Variants in SH3TC1 observed in about 807,000 individuals in gnomAD.
SH3TC1 encodes the protein SH3 domain and tetratricopeptide repeats 1.
A neutral mutation model predicts 117.3 loss-of-function variants in SH3TC1; 135 were observed. The ratio of observed to expected loss-of-function variants is 1.15; its 90% CI spans 1.00 to 1.33. The LOEUF (loss-of-function observed/expected upper bound fraction) is 1.33. Among genes scored for constraint, SH3TC1 ranks in the 40% most tolerant of loss-of-function variants. The pLI, the probability that SH3TC1 is intolerant of heterozygous loss-of-function variation, is 0.00. For synonymous variants in SH3TC1, 898 were observed against 816.9 expected (o/e 1.10, Z -1.69); for missense variants, 2,092 against 1,794.3 (o/e 1.17, Z -3.00).
chr4:8,197,760 C>T (rs926019018), upstream of SH3TC1, among the ~76,000 whole-genome samples: 24 of 152,218 alleles, frequency 1.6e-4, no homozygotes, highest in Non-Finnish European at 2.4e-4. Flanking sequence ...GCTGCACCCC[C>T]GATCCCGGGC....
chr4:8,234,670 A>ATG (rs1721646888), intron 14 of SH3TC1, among the ~76,000 whole-genome samples: 1 of 152,142 alleles, frequency 6.6e-6, no homozygotes, highest in East Asian at 1.9e-4. Flanking sequence ...ACTGCTGAGC[A>ATG]CCTGTTGTAT....
chr4:8,182,334 G>T (rs1717102293), intron 1 of SH3TC1: 1 of 152,258 alleles, frequency 6.6e-6, no homozygotes, highest in Admixed American at 6.5e-5. Flanking sequence ...GTTTTCATGG[G>T]GAGGGTGCAC....
At chr4:8,196,757 C>T (rs2152975472), upstream of SH3TC1, among the ~76,000 whole-genome samples, 1 of 152,074 alleles carries the variant, frequency 6.6e-6, no homozygotes. The surrounding 1 kb of genome is among the most constrained non-coding windows in gnomAD (Gnocchi z 4.6). Context: ...CAGGTGTCTG[C>T]AAGGAAGGGT....
At chr4:8,237,851 C>G (rs1411218303) in intron 17 of SH3TC1, among the ~76,000 whole-genome samples, 181 bp downstream of exon 17, 1 of 152,092 alleles carries the variant, frequency 6.6e-6, no homozygotes, top group Non-Finnish European at 1.5e-5. Flanking sequence ...CCCGAGCGGC[C>G]AGGCCTCACC....
At chr4:8,229,410 G>A (rs1329194813) in intron 12 of SH3TC1, among the ~76,000 whole-genome samples, 5 of 142,024 alleles carry the variant, frequency 3.5e-5, no homozygotes, top group African/African-American at 1.3e-4. Context: ...TGAGCGAGTA[G>A]GGGTGAGTGA....
rs576184139 is a variant in SH3TC1, at chr4:8,190,896, C to T, written c.-57+8686C>T. Among the ~76,000 whole-genome samples, 5 of 152,008 alleles carry T rather than the reference C, an allele frequency of 3.3e-5. 1 individual carries two copies. In the South Asian group the frequency reaches 1.0e-3, roughly 32 times the overall value. Reference sequence around the variant, plus strand: ...GACTCAAGCGATCCTCCTGCCTCGGCCTCCTAAAGTGCTAGGATTACAGGC... The same window carrying T: ...GACTCAAGCGATCCTCCTGCCTCGGTCTCCTAAAGTGCTAGGATTACAGGC... On this transcript the variant is annotated intron_variant, in intron 1 of 16. Coordinates refer to the SH3TC1 transcript ENST00000508641. This position sits in a 1 kb window ranked among gnomAD's most constrained non-coding sequence, Gnocchi z 4.7.
At chr4:8,191,936 G>T (rs11931424) in intron 1 of SH3TC1, among the ~76,000 whole-genome samples, 5 of 152,060 alleles carry the variant, frequency 3.3e-5, no homozygotes, top group African/African-American at 9.7e-5. Flanking sequence ...TTTTCCAGGG[G>T]CAGGAGCTGA....
intron 4 of SH3TC1, 94 bp downstream of exon 4, chr4:8,212,922 G>C: frequency 1.4e-6 from 2 of 1,442,350 alleles, no homozygotes; most frequent in Non-Finnish European, 1.8e-6. Context: ...GGACACAGGA[G>C]GCAGGCCTCA....
intron 13 of SH3TC1, chr4:8,232,857 A>G (rs1017992637): frequency 2.4e-6 from 3 of 1,252,542 alleles, no homozygotes; most frequent in Admixed American, 5.3e-5. Context: ...CCATGTTCTC[A>G]AAGTGTGGTC....
chr4:8,185,510 C>G (rs1000444777), intron 1 of SH3TC1, among the ~76,000 whole-genome samples: 4 of 152,094 alleles, frequency 2.6e-5, no homozygotes, highest in Non-Finnish European at 2.9e-5. Flanking sequence ...TGCATTCATC[C>G]TCCTGCGGTT....
intron 4 of SH3TC1, among the ~76,000 whole-genome samples, 176 bp from the exon 5 acceptor site, chr4:8,214,299 G>A (rs972319468): frequency 2.6e-5 from 4 of 152,198 alleles, no homozygotes; most frequent in East Asian, 1.9e-4. Flanking sequence ...GGGGAGCCAC[G>A]GCTGGCTTGA....
At position 8,228,221 on chromosome 4, in the gene SH3TC1, G is replaced by A. The variant is rs756884193; in HGVS notation, c.2527G>A (p.Val843Met). ...GCACGTGCTTCATGGGCAGAGCCCGGTGGCCCTGGACATCCTGCAGTCTGT... is the reference window on the plus strand; with the variant it reads ...GCACGTGCTTCATGGGCAGAGCCCGATGGCCCTGGACATCCTGCAGTCTGT... ...WLHVLHGQSP[V>M]ALDILQSVRD... Residue 843 changes from valine to methionine, a missense_variant, in exon 12 of 18, where the codon GTG (valine) becomes ATG (methionine). Physicochemically the swap from Val to Met is conservative, Grantham distance 21 (BLOSUM62 1). Transcript: ENST00000245105. 3.7e-6 allele frequency: 6 copies of A among 1,608,982 alleles called. No homozygotes were observed. The African/African-American group carries it at 8.0e-5, about 21-fold the overall frequency.
chr4:8,235,733 C>A, intron 15 of SH3TC1, 178 bp downstream of exon 15: 3 of 848,070 alleles, frequency 3.5e-6, no homozygotes, highest in Non-Finnish European at 5.1e-6. Flanking sequence ...CCGGGACAAA[C>A]ACTTGGGGCC....
At chr4:8,217,245 G>A in intron 7 of SH3TC1, 78 bp downstream of exon 7, 2 of 1,518,552 alleles carry the variant, frequency 1.3e-6, no homozygotes, top group East Asian at 4.9e-5. Flanking sequence ...GGAGGTCAAG[G>A]GGATGGACAG....
intron 13 of SH3TC1, 162 bp downstream of exon 13, chr4:8,232,318 C>T: frequency 1.3e-6 from 2 of 1,505,810 alleles, no homozygotes; most frequent in Non-Finnish European, 9.0e-7. Flanking sequence ...TGGGGTTGTC[C>T]CAGGGCTGCT....
chr4:8,205,834 G>A lies in SH3TC1; in HGVS notation c.172+468G>A, dbSNP rs1241030879. On this transcript the variant is annotated intron_variant, in intron 2 of 17. Transcript: ENST00000245105. This position sits in a 1 kb window ranked among gnomAD's most constrained non-coding sequence, Gnocchi z 5.4. ...GTGTGCCCAGTTTCCTGAATTCCCG[G>A]GAGACCTGAAGAGTGACCTAGGTGA... is the stretch of plus-strand genomic sequence containing the variant. 1.7e-6 allele frequency: 1 copy of A among 596,472 alleles called. No homozygotes were observed. The highest frequency in any genetic ancestry group is 3.0e-6 in the Non-Finnish European group (1 of 334,278). The allele number at this position is 596,472 out of a possible 1,614,324, so 36.9% of individuals were successfully genotyped here.
intron 1 of SH3TC1, among the ~76,000 whole-genome samples, chr4:8,182,974 G>C (rs1349369919): frequency 6.6e-6 from 1 of 152,180 alleles, no homozygotes; most frequent in Non-Finnish European, 1.5e-5. Context: ...AGGAGGCAGG[G>C]ACTGGACGCA....
intron 1 of SH3TC1, among the ~76,000 whole-genome samples, chr4:8,202,635 G>T (rs1264622245): frequency 6.8e-6 from 1 of 146,066 alleles, no homozygotes; most frequent in African/African-American, 2.5e-5. Flanking sequence ...AAGGTGGGGT[G>T]CCGGGGCACT....
Position 8,225,110 on chromosome 4 carries a change from A to T in SH3TC1, c.1244-65A>T, listed in dbSNP as rs1720336940. ...CACCCTGCAACATCGACACTAGCTC[A>T]ACCTGGCAGGGGACCAGAGGTACTG... On this transcript the variant is annotated intron_variant, in intron 10 of 17. Transcript: ENST00000245105. The surrounding 1 kb of genome is among the most constrained non-coding windows in gnomAD (Gnocchi z 5.5). 1.3e-6 allele frequency: 2 copies of T among 1,594,376 alleles called. No individual in the cohort carries two copies. Among genetic ancestry groups the T allele is most frequent in the Non-Finnish European group, 1.7e-6 (2 of 1,165,714 alleles).
Sources: gnomAD v4.1 joint callset for allele counts (sites outside exome capture counted in the v4.1 genomes callset) on GRCh38, gnomAD v4.1.1 for gene constraint, Gnocchi (gnomAD v3.1) non-coding constraint, MANE v1.5 for transcripts, NCBI Gene and HGNC (gene_info 2026-07-23, HGNC 2026-07-21) for gene names.